Variants in FAM228B observed in about 807,000 individuals in gnomAD.
FAM228B encodes the protein family with sequence similarity 228 member B, also known as protein FAM228B.
In FAM228B, 38 loss-of-function variants were observed where a neutral mutation model predicts 42.6. The ratio of observed to expected loss-of-function variants is 0.89; its 90% CI spans 0.69 to 1.17. FAM228B has a LOEUF of 1.17. FAM228B is among the 50% of genes most tolerant of loss of function. FAM228B has a pLI of 0.00. For missense variants in FAM228B, 344 were observed against 367.3 expected, an observed-to-expected ratio of 0.94 and a Z score of 0.52; for synonymous variants, 109 against 122.3, an observed-to-expected ratio of 0.89 and a Z score of 0.72.
rs138549149 is a variant in FAM228B at position 24,169,189 on chromosome 2, G to A, written c.*15-167G>A. ...ACTCCAGACAGCGCGAGGAAAGGCT[G>A]AGGCAGGAGGCCTAGGTGGAGACCC... On this transcript the variant is annotated intron_variant, in intron 10 of 10. Transcript: ENST00000615575. This position sits in a 1 kb window ranked among gnomAD's most constrained non-coding sequence, Gnocchi z 4.2. 2.1e-4 allele frequency among the ~76,000 whole-genome samples: 32 copies of A among 152,328 alleles called. No homozygotes were observed. The highest frequency in any genetic ancestry group is 4.7e-4 in the Non-Finnish European group (32 of 68,026).
At chr2:24,103,579 G>GCT (rs1485098040) in intron 3 of FAM228B, among the ~76,000 whole-genome samples, 2 of 152,214 alleles carry the variant, frequency 1.3e-5, no homozygotes, top group African/African-American at 4.8e-5. Context: ...CAACTGGAAT[G>GCT]CTCTACAGAG....
intron 5 of FAM228B, chr2:24,142,707 G>A (rs1666783694): frequency 6.6e-6 from 1 of 152,194 alleles, no homozygotes; most frequent in South Asian, 2.1e-4. Context: ...TTGTCACTTT[G>A]AGAAAAACTA....
intron 3 of FAM228B, among the ~76,000 whole-genome samples, chr2:24,099,619 G>C (rs1030622898): frequency 6.6e-6 from 1 of 152,000 alleles, no homozygotes; most frequent in African/African-American, 2.4e-5. Flanking sequence ...AAATAAAAGA[G>C]GACACAAACA....
chr2:24,093,686 G>A (rs967091408), intron 2 of FAM228B, among the ~76,000 whole-genome samples: 3 of 151,482 alleles, frequency 2.0e-5, no homozygotes, highest in African/African-American at 7.3e-5. Flanking sequence ...CACAATCTTG[G>A]CTCACTGCAA....
chr2:24,096,110 C>T (rs1267147399), intron 3 of FAM228B: 1 of 152,088 alleles, frequency 6.6e-6, no homozygotes. Flanking sequence ...TCATCTACAC[C>T]AAAACCCCAT....
rs556196027 is a variant in FAM228B at position 24,169,176 on chromosome 2, G to T, written c.*15-180G>T. Among the ~76,000 whole-genome samples the T allele has an allele frequency of 6.6e-6, 1 of 152,138 alleles. No individual in the cohort carries two copies. Among genetic ancestry groups the T allele is most frequent in the Non-Finnish European group, 1.5e-5 (1 of 68,030 alleles). ...CTCAGTGCTTCTGACTCCAGACAGC[G>T]CGAGGAAAGGCTGAGGCAGGAGGCC... On this transcript the variant is annotated intron_variant, in intron 10 of 10. Coordinates refer to ENST00000615575, the MANE Select transcript of FAM228B (RefSeq NM_001145710.2). This position sits in a 1 kb window ranked among gnomAD's most constrained non-coding sequence, Gnocchi z 4.2.
chr2:24,083,936 T>C (rs1052698399), intron 2 of FAM228B, among the ~76,000 whole-genome samples: 1 of 152,110 alleles, frequency 6.6e-6, no homozygotes, highest in African/African-American at 2.4e-5. Context: ...CCCACAACAA[T>C]GTTAGTTCCG....
At chr2:24,096,768 C>A (rs1443074482) in intron 3 of FAM228B, 1 of 152,160 alleles carries the variant, frequency 6.6e-6, no homozygotes, top group Admixed American at 6.6e-5. Context: ...CATTCAAATT[C>A]AGAAAATACA....
chr2:24,119,606 C>T, upstream of FAM228B: 1 of 1,613,946 alleles, frequency 6.2e-7, no homozygotes, highest in Non-Finnish European at 8.5e-7. Context: ...CACACAGATG[C>T]TAGGATACAT....
intron 10 of FAM228B, among the ~76,000 whole-genome samples, chr2:24,168,373 G>A (rs1205221819): frequency 1.3e-5 from 2 of 152,238 alleles, no homozygotes; most frequent in Non-Finnish European, 2.9e-5. Context: ...ATGGAAGGAA[G>A]CAAAGCAGAA....
chr2:24,139,464 CT>C lies in FAM228B; in HGVS notation c.441+22del, dbSNP rs1558387244. ...AATTTTCTGAAGGTAGGGTAGATTT[CT>C]TTTTTTTAACTTTGGTATTATGTGT... On this transcript the variant is annotated intron_variant, in intron 5 of 10. Coordinates refer to ENST00000615575, the MANE Select transcript of FAM228B (RefSeq NM_001145710.2). 48 of 1,494,838 alleles carry C rather than the reference CT, an allele frequency of 3.2e-5. No homozygotes were observed. The highest frequency in any genetic ancestry group is 1.7e-4 in the Middle Eastern group (1 of 5,906). 92.6% of individuals were successfully genotyped at this position (1,494,838 alleles called of 1,614,324 possible). A position where few individuals can be genotyped will look rare whatever the true frequency, so the allele number is the denominator to read the frequency against.
chr2:24,139,464 C>A lies in FAM228B; in HGVS notation c.441+14C>A. The A allele has an allele frequency of 6.7e-7, 1 of 1,495,382 alleles. No individual in the cohort carries two copies. The allele number at this position is 1,495,382 out of a possible 1,614,324, so 92.6% of individuals were successfully genotyped here. On this transcript the variant is annotated intron_variant, in intron 5 of 10. Coordinates refer to ENST00000615575, the MANE Select transcript of FAM228B (RefSeq NM_001145710.2). ...AATTTTCTGAAGGTAGGGTAGATTT[C>A]TTTTTTTTAACTTTGGTATTATGTG...
intron 7 of FAM228B, among the ~76,000 whole-genome samples, chr2:24,154,972 A>G (rs2151027386): frequency 6.6e-6 from 1 of 152,354 alleles, no homozygotes; most frequent in Admixed American, 6.5e-5. Flanking sequence ...ACCTTAAAAC[A>G]GAATTTCGAA....
At chr2:24,161,663 C>A in intron 8 of FAM228B, 50 bp downstream of exon 8, 1 of 1,134,338 alleles carries the variant, frequency 8.8e-7, no homozygotes, top group Non-Finnish European at 1.3e-6. Flanking sequence ...AGATGCTAGG[C>A]TGTGCTGCCA....
chr2:24,121,698 C>T (rs1485654006), upstream of FAM228B, among the ~76,000 whole-genome samples: 1 of 152,098 alleles, frequency 6.6e-6, no homozygotes, highest in Admixed American at 6.5e-5. Context: ...GACTGATGCC[C>T]TCCCTGCGAG....
intron 2 of FAM228B, among the ~76,000 whole-genome samples, chr2:24,128,121 G>T (rs559912540): frequency 2.6e-4 from 39 of 152,256 alleles, no homozygotes; most frequent in Middle Eastern, 6.8e-3. Flanking sequence ...CTGTTGCTAT[G>T]CTTTTAAGTT....
Position 24,146,933 on chromosome 2 carries a change from A to G in FAM228B, c.533A>G (p.Lys178Arg). The change falls in exon 7 of 11, where the codon AAA becomes AGA. Residue 178 changes from lysine (K) to arginine (R), a missense_variant. By Grantham distance (26) the Lys-to-Arg change is conservative. Coordinates refer to ENST00000615575, the MANE Select transcript of FAM228B (RefSeq NM_001145710.2). The stretch of plus-strand genomic sequence containing the variant: ...TAGATTTTTATTCTTCCTTCAGGCA[A>G]AATATATTCAATAAAGGAATTCAAA... Reference protein sequence around the residue: ...KRTLLQCETGKIYSIKEFKEV... With the variant: ...KRTLLQCETGRIYSIKEFKEV... 6.4e-7 allele frequency: 1 copy of G among 1,550,792 alleles called. No homozygotes were observed. The highest frequency in any genetic ancestry group is 8.7e-7 in the Non-Finnish European group (1 of 1,146,436).
chr2:24,078,673 T>C (rs745359796), intron 1 of FAM228B, among the ~76,000 whole-genome samples: 18 of 152,038 alleles, frequency 1.2e-4, no homozygotes, highest in Non-Finnish European at 2.4e-4. Flanking sequence ...TGGAGTAAAA[T>C]GTTAGTGTCA....
intron 7 of FAM228B, among the ~76,000 whole-genome samples, chr2:24,151,295 T>G (rs1211875496): frequency 2.7e-5 from 4 of 150,812 alleles, no homozygotes; most frequent in Admixed American, 6.6e-5. Context: ...TGTTTTTTGT[T>G]TTTTTTTTTG....
Sources: allele counts gnomAD v4.1 joint callset (sites outside exome capture counted in the v4.1 genomes callset), GRCh38; gene constraint gnomAD v4.1.1; non-coding constraint Gnocchi (gnomAD v3.1); transcripts MANE v1.5; gene names NCBI Gene and HGNC (gene_info 2026-07-23, HGNC 2026-07-21).